Variants in KDM3A observed in about 807,000 individuals in gnomAD.
The protein encoded by KDM3A is lysine-specific demethylase 3A.
KDM3A carries 60 observed loss-of-function variants against 158.0 expected under a neutral mutation model. That is an observed-to-expected ratio of 0.38 (90% CI 0.31 to 0.47). The LOEUF (loss-of-function observed/expected upper bound fraction) is 0.47. KDM3A is among the 20% of genes least tolerant of loss of function. The pLI, the probability that KDM3A is intolerant of heterozygous loss-of-function variation, is 0.99. For missense variants in KDM3A, 1,319 were observed against 1,574.3 expected, an observed-to-expected ratio of 0.84 and a Z score of 2.74; for synonymous variants, 608 against 549.3, an observed-to-expected ratio of 1.11 and a Z score of -1.49.
At chr2:86,460,860 G>A (rs183322702) in intron 8 of KDM3A, 4 of 150,666 alleles carry the variant, frequency 2.7e-5, no homozygotes, top group Admixed American at 2.6e-4. Flanking sequence ...CCTTTGTTGA[G>A]TCAGAGGCCA....
chr2:86,472,851 G>A (rs1673480129), intron 11 of KDM3A, among the ~76,000 whole-genome samples: 1 of 152,170 alleles, frequency 6.6e-6, no homozygotes, highest in African/African-American at 2.4e-5. Flanking sequence ...AGTCTAATTA[G>A]TCTATTGCCA....
chr2:86,449,779 C>T (rs2104629424), intron 2 of KDM3A, 28 bp from the exon 3 acceptor site: 1 of 1,571,592 alleles, frequency 6.4e-7, no homozygotes, highest in Non-Finnish European at 8.6e-7. Flanking sequence ...GAATCTGCTT[C>T]CCCCACCCCC....
At chr2:86,485,976 C>A in intron 21 of KDM3A, 117 bp downstream of exon 21, 1 of 1,006,948 alleles carries the variant, frequency 9.9e-7, no homozygotes, top group East Asian at 2.6e-5. Context: ...GTAATACAGC[C>A]ACAGCTTTCA....
chr2:86,480,096 G>C, intron 15 of KDM3A, 71 bp from the exon 16 acceptor site: 3 of 1,208,080 alleles, frequency 2.5e-6, no homozygotes, highest in Non-Finnish European at 3.7e-6. Context: ...TCGGCTATTA[G>C]GAGAGAAGAA....
At chr2:86,491,803 G>A (rs919711633) in intron 25 of KDM3A, 12 of 529,066 alleles carry the variant, frequency 2.3e-5, no homozygotes, top group African/African-American at 7.6e-5. Flanking sequence ...GTAGGTCTAC[G>A]TGGTATCAAA....
intron 20 of KDM3A, 105 bp downstream of exon 20, chr2:86,485,134 C>T (rs1674119367): frequency 1.5e-6 from 1 of 671,170 alleles, no homozygotes; most frequent in Non-Finnish European, 2.6e-6. Context: ...AACAAAAGTT[C>T]TGTAATTATA....
intron 16 of KDM3A, among the ~76,000 whole-genome samples, chr2:86,481,226 T>A (rs1673912618): frequency 6.6e-6 from 1 of 152,136 alleles, no homozygotes; most frequent in East Asian, 1.9e-4. Flanking sequence ...TCATAAATAG[T>A]CGTTGAATTT....
chr2:86,458,679 TCAGA>T (rs760612626), intron 8 of KDM3A, among the ~76,000 whole-genome samples: 2 of 152,200 alleles, frequency 1.3e-5, no homozygotes, highest in Non-Finnish European at 2.9e-5. Context: ...GCAGAGCCTC[TCAGA>T]CAGGGAGGAC....
At position 86,489,224 on chromosome 2, in the gene KDM3A, C is replaced by CA. The variant is rs372699966; in HGVS notation, c.3314-92dup. On this transcript the variant is annotated intron_variant, in intron 21 of 25. Transcript: ENST00000312912. ...GAATTTTTATTCTCAGCAGAAGAGT[C>CA]AATCAGGGACCTACCATCCCCCAGG... The CA allele has an allele frequency of 2.8e-5, 38 of 1,363,216 alleles. No individual in the cohort carries two copies. The African/African-American group carries it at 5.4e-4, about 19-fold the overall frequency. The allele number at this position is 1,363,216 out of a possible 1,614,324, so 84.4% of individuals were successfully genotyped here.
chr2:86,453,566 A>AT (rs1468395623), intron 4 of KDM3A, among the ~76,000 whole-genome samples: 3 of 152,114 alleles, frequency 2.0e-5, no homozygotes, highest in Non-Finnish European at 4.4e-5. Context: ...GCAGCCTAAT[A>AT]TTTTTCTACT....
chr2:86,442,251 C>T lies in KDM3A; in HGVS notation c.186+18C>T, dbSNP rs1442727204. 6.3e-7 allele frequency: 1 copy of T among 1,589,000 alleles called. No homozygotes were observed. Among genetic ancestry groups the T allele is most frequent in the South Asian group, 1.1e-5 (1 of 89,928 alleles). The stretch of plus-strand genomic sequence containing the variant: ...ATCTGAAGGTACAGGCGGCTCCGGG[C>T]CTCTGCCACCGGACGTTTCGCAGTT... On this transcript the variant is annotated intron_variant, in intron 2 of 25. Transcript: ENST00000312912.
intron 16 of KDM3A, among the ~76,000 whole-genome samples, chr2:86,481,486 T>G (rs1673923694): frequency 6.6e-6 from 1 of 151,884 alleles, no homozygotes; most frequent in Non-Finnish European, 1.5e-5. Flanking sequence ...GGTTTTTGTT[T>G]GTTTGGTTTT....
Position 86,450,034 on chromosome 2 carries a change from T to C in KDM3A, c.342+72T>C. ...ATCCATTGTGGGTACAAAAGGAATA[T>C]GTAAATGTAATGCCAGAAAGTCAGA... is the stretch of plus-strand genomic sequence containing the variant. On this transcript the variant is annotated intron_variant, in intron 3 of 25. Coordinates refer to ENST00000312912, the MANE Select transcript of KDM3A (RefSeq NM_018433.6). 6 of 1,437,966 alleles carry C rather than the reference T, an allele frequency of 4.2e-6. No homozygotes were observed. In the South Asian group the frequency reaches 7.1e-5, roughly 17 times the overall value. The allele number at this position is 1,437,966 out of a possible 1,614,324, so 89.1% of individuals were successfully genotyped here.
At chr2:86,451,330 C>G (rs1422106756) in intron 4 of KDM3A, 117 bp downstream of exon 4, 1 of 572,114 alleles carries the variant, frequency 1.7e-6, no homozygotes, top group Non-Finnish European at 3.0e-6. Flanking sequence ...CTACTCCTTG[C>G]ACAGTAAAAC....
rs1673344473 is a variant in KDM3A at position 86,470,307 on chromosome 2, A to G, written c.1623A>G (p.Ala541=). ...VQDDSCVNIV[A]QLPKCRECRL... ...ATGATTCTTGTGTGAACATCGTGGCACAGTTGCCTAAATGCCGAGAGTGTC... is the reference window on the plus strand; with the variant it reads ...ATGATTCTTGTGTGAACATCGTGGCGCAGTTGCCTAAATGCCGAGAGTGTC... Residue 541 remains alanine, a synonymous_variant, in exon 11 of 26, where the codon GCA becomes GCG. Transcript: ENST00000312912. 6.2e-7 allele frequency: 1 copy of G among 1,614,024 alleles called. No homozygotes were observed. Among genetic ancestry groups the G allele is most frequent in the African/African-American group, 1.3e-5 (1 of 74,916 alleles).
intron 2 of KDM3A, among the ~76,000 whole-genome samples, chr2:86,449,005 A>G (rs1166937308): frequency 6.6e-6 from 1 of 152,210 alleles, no homozygotes; most frequent in East Asian, 1.9e-4. Context: ...GATCACTCCC[A>G]GAAGCCCACT....
rs748813578 is a variant in KDM3A at position 86,489,539 on chromosome 2, A to G, written c.3453A>G (p.Gln1151=). The G allele has an allele frequency of 1.4e-5, 22 of 1,613,594 alleles. No homozygotes were observed. The South Asian group carries it at 2.4e-4, about 18-fold the overall frequency. The part of the protein sequence containing the change: ...EQEEEVLKTI[Q]DGDSDELTIK... ...CTCTAGAAGTCCTTAAGACCATCCA[A>G]GATGGAGATTCTGACGAACTCACAA... The change falls in exon 23 of 26, where the codon CAA becomes CAG. Residue 1151 remains glutamine, a synonymous_variant. Coordinates refer to ENST00000312912, the MANE Select transcript of KDM3A (RefSeq NM_018433.6).
upstream of KDM3A, among the ~76,000 whole-genome samples, chr2:86,440,088 G>A (rs764871342): frequency 2.0e-5 from 3 of 151,996 alleles, no homozygotes; most frequent in Non-Finnish European, 4.4e-5. Context: ...TGCTTATCTC[G>A]TTCCCATTTC....
At chr2:86,451,887 G>A (rs1427030261) in intron 4 of KDM3A, among the ~76,000 whole-genome samples, 2 of 152,136 alleles carry the variant, frequency 1.3e-5, no homozygotes, top group Non-Finnish European at 2.9e-5. Context: ...GTAGACCGTT[G>A]TTTATATACA....
Sources: gnomAD v4.1 joint callset for allele counts (sites outside exome capture counted in the v4.1 genomes callset) on GRCh38, gnomAD v4.1.1 for gene constraint, MANE v1.5 for transcripts, NCBI Gene and HGNC (gene_info 2026-07-23, HGNC 2026-07-21) for gene names.